CNTNAP2: variants seen among roughly 807,000 people sequenced by gnomAD.
CNTNAP2 encodes the protein contactin-associated protein-like 2.
In CNTNAP2, 98 loss-of-function variants were observed where a neutral mutation model predicts 155.2. That is an observed-to-expected ratio of 0.63 (90% CI 0.54 to 0.75). The LOEUF is 0.75. Among genes scored for constraint, CNTNAP2 ranks in the 30% least tolerant of loss-of-function variants. The pLI is 0.00. For synonymous variants in CNTNAP2, 651 were observed against 631.2 expected (o/e 1.03, Z -0.47); for missense variants, 1,727 against 1,688.1 (o/e 1.02, Z -0.40).
intron 18 of CNTNAP2, among the ~76,000 whole-genome samples, chr7:148,189,079 G>A (rs1472223661): frequency 6.6e-6 from 1 of 152,108 alleles, no homozygotes; most frequent in African/African-American, 2.4e-5. Context: ...AAATGCTTAG[G>A]CTTTTCACGT....
In CNTNAP2 at chr7:147,414,890, C is replaced by T. The variant is rs571336136; in HGVS notation, c.1670+19110C>T. ...TTGGGGGGTGGAGCCTGCAGTGAGC[C>T]GAGATCGCGCCACTGCACTCCAGCC... is the stretch of plus-strand genomic sequence containing the variant. On this transcript the variant is annotated intron_variant, in intron 10 of 23. Transcript: ENST00000361727. Among the ~76,000 whole-genome samples the T allele has an allele frequency of 1.3e-4, 17 of 130,070 alleles. No homozygotes were observed. The East Asian group carries it at 3.4e-3, about 26-fold the overall frequency. 85.3% of individuals were successfully genotyped at this position (130,070 alleles called of 152,430 possible).
chr7:148,108,364 TAAAA>T (rs34910578), intron 15 of CNTNAP2, among the ~76,000 whole-genome samples: 6 of 146,238 alleles, frequency 4.1e-5, no homozygotes, highest in African/African-American at 1.2e-4. Context: ...ACCAAAAAAT[TAAAA>T]AAAAAAAAAT....
At position 147,339,957 on chromosome 7, in the gene CNTNAP2, A is replaced by C. The variant is rs558499226; in HGVS notation, c.1498+39667A>C. On this transcript the variant is annotated intron_variant, in intron 9 of 23. Coordinates refer to ENST00000361727, the MANE Select transcript of CNTNAP2 (RefSeq NM_014141.6). ...TCTCAGATAAAAGCTCCTGCACTGC[A>C]GTAAGCAGCTGCATCTACATAAGTG... 5.3e-5 allele frequency among the ~76,000 whole-genome samples: 8 copies of C among 152,306 alleles called. No homozygotes were observed. The East Asian group carries it at 1.5e-3, about 29-fold the overall frequency.
intron 9 of CNTNAP2, among the ~76,000 whole-genome samples, chr7:147,360,046 A>G (rs1796122295): frequency 6.6e-6 from 1 of 152,260 alleles, no homozygotes; most frequent in African/African-American, 2.4e-5. Flanking sequence ...TGCAGACACA[A>G]TCGTATATTA....
At chr7:148,055,135 C>T (rs1275511916) in intron 15 of CNTNAP2, among the ~76,000 whole-genome samples, 1 of 152,084 alleles carries the variant, frequency 6.6e-6, no homozygotes, top group Non-Finnish European at 1.5e-5. Flanking sequence ...CTGCCTGCCT[C>T]GGCCTCCCAA....
intron 1 of CNTNAP2, among the ~76,000 whole-genome samples, chr7:146,729,730 T>C (rs1204261501): frequency 6.6e-6 from 1 of 152,138 alleles, no homozygotes; most frequent in Non-Finnish European, 1.5e-5. Flanking sequence ...TATCTCTTTA[T>C]TGTTTACATC....
intron 15 of CNTNAP2, among the ~76,000 whole-genome samples, chr7:148,116,002 G>C (rs1563204203): frequency 6.6e-6 from 1 of 151,986 alleles, no homozygotes; most frequent in Non-Finnish European, 1.5e-5. Context: ...AGCCTGGCAT[G>C]GTGGTGTGTG....
chr7:146,487,700 C>T (rs185260043), intron 1 of CNTNAP2, among the ~76,000 whole-genome samples: 7 of 152,234 alleles, frequency 4.6e-5, no homozygotes, highest in South Asian at 2.1e-4. Context: ...GAGAGGCTTA[C>T]GCAGCATCCT....
chr7:146,128,695 T>G (rs1797672576), intron 1 of CNTNAP2, among the ~76,000 whole-genome samples: 1 of 152,058 alleles, frequency 6.6e-6, no homozygotes, highest in African/African-American at 2.4e-5. Context: ...CAATTGAAAA[T>G]GGAATTGAAA....
At chr7:147,291,245 C>A (rs1917601) in intron 8 of CNTNAP2, among the ~76,000 whole-genome samples, 1 of 151,818 alleles carries the variant, frequency 6.6e-6, no homozygotes, top group African/African-American at 2.4e-5. Flanking sequence ...GGTGGTTTGC[C>A]GCACCTATCA....
At chr7:147,868,655 T>TGGCC (rs1799273644) in intron 13 of CNTNAP2, among the ~76,000 whole-genome samples, 1 of 152,192 alleles carries the variant, frequency 6.6e-6, no homozygotes, top group South Asian at 2.1e-4. Flanking sequence ...CCACTTCGTT[T>TGGCC]ACCTACTCAA....
At chr7:147,279,589 A>G (rs1804982622) in intron 8 of CNTNAP2, among the ~76,000 whole-genome samples, 1 of 151,758 alleles carries the variant, frequency 6.6e-6, no homozygotes, top group Non-Finnish European at 1.5e-5. Flanking sequence ...TATAATATTG[A>G]TTATTATTAA....
rs1339480343 is a variant in CNTNAP2 at position 146,445,621 on chromosome 7, T to C, written c.97+328648T>C. Among the ~76,000 whole-genome samples, 11 of 152,298 alleles carry C rather than the reference T, an allele frequency of 7.2e-5. No homozygotes were observed. The East Asian group carries it at 2.1e-3, about 29-fold the overall frequency. On this transcript the variant is annotated intron_variant, in intron 1 of 23. Transcript: ENST00000361727. ...TGTGTGTGTATCTCTTTACAGTTTC[T>C]TTTCTTTTTGCTGTTTATGTGCTTG...
intron 21 of CNTNAP2, among the ~76,000 whole-genome samples, chr7:148,320,659 C>T (rs1407739355): frequency 8.5e-5 from 13 of 152,112 alleles, no homozygotes; most frequent in Admixed American, 7.9e-4. Context: ...GCTGGGATTA[C>T]AGGCGTGAGC....
intron 13 of CNTNAP2, among the ~76,000 whole-genome samples, chr7:147,748,153 G>T (rs1270219158): frequency 2.6e-5 from 4 of 152,182 alleles, no homozygotes; most frequent in Non-Finnish European, 5.9e-5. Flanking sequence ...AAATGCAAAT[G>T]ACCTTGACAA....
At chr7:147,582,836 T>C (rs1199795085) in intron 12 of CNTNAP2, among the ~76,000 whole-genome samples, 4 of 152,196 alleles carry the variant, frequency 2.6e-5, no homozygotes, top group Non-Finnish European at 5.9e-5. Context: ...CCAAAGCTAC[T>C]AATATTAATC....
intron 21 of CNTNAP2, among the ~76,000 whole-genome samples, chr7:148,364,414 A>G (rs1177939): frequency 0.3 from 46,083 of 151,792 alleles, 7,672 homozygotes; most frequent in Non-Finnish European, 0.39. Context: ...GAGTGCACCA[A>G]TCGACACTCT....
intron 1 of CNTNAP2, among the ~76,000 whole-genome samples, chr7:146,352,758 T>TTTTTTTTTTTTTTTTG (rs1584884179): frequency 7.9e-6 from 1 of 125,928 alleles, no homozygotes; most frequent in East Asian, 2.2e-4. Flanking sequence ...CTGTTTTTTT[T>TTTTTTTTTTTTTTTTG]TTTTTTTTTT....
chr7:146,686,868 A>G (rs1044790393), intron 1 of CNTNAP2, among the ~76,000 whole-genome samples: 2 of 152,198 alleles, frequency 1.3e-5, no homozygotes, highest in African/African-American at 4.8e-5. Flanking sequence ...GTTTGTCGTA[A>G]CATAGGGATG....
Sources: gnomAD v4.1 joint callset for allele counts (sites outside exome capture counted in the v4.1 genomes callset) on GRCh38, gnomAD v4.1.1 for gene constraint, MANE v1.5 for transcripts, NCBI Gene and HGNC (gene_info 2026-07-23, HGNC 2026-07-21) for gene names.